Variants in CCDC171 observed in about 807,000 individuals in gnomAD.
The protein encoded by CCDC171 is coiled-coil domain containing 171, also known as coiled-coil domain-containing protein 171.
A neutral mutation model predicts 168.2 loss-of-function variants in CCDC171; 177 were observed. The ratio of observed to expected loss-of-function variants is 1.05; its 90% CI spans 0.93 to 1.19. The LOEUF (loss-of-function observed/expected upper bound fraction) is 1.19. CCDC171 is among the 50% of genes most tolerant of loss of function. The pLI is 0.00. For synonymous variants in CCDC171, 687 were observed against 540.8 expected (o/e 1.27, Z -3.75); for missense variants, 1,991 against 1,539.0 (o/e 1.29, Z -4.91).
intron 21 of CCDC171, among the ~76,000 whole-genome samples, chr9:15,789,917 T>C (rs951339130): frequency 6.6e-6 from 1 of 152,030 alleles, no homozygotes; most frequent in African/African-American, 2.4e-5. Context: ...CATGTCCCTA[T>C]AAAGGACATG....
intron 7 of CCDC171, among the ~76,000 whole-genome samples, chr9:15,635,978 A>T (rs747277136): frequency 7.9e-5 from 12 of 151,996 alleles, no homozygotes; most frequent in Non-Finnish European, 1.3e-4. Flanking sequence ...TATTACAACC[A>T]CTGTAGTAGG....
intron 24 of CCDC171, among the ~76,000 whole-genome samples, chr9:15,902,563 T>G (rs1378545510): frequency 6.7e-6 from 1 of 149,738 alleles, no homozygotes; most frequent in Non-Finnish European, 1.5e-5. Flanking sequence ...GGAGCCAAGA[T>G]GGCTGAATAG....
chr9:15,888,949 C>CTTTTTTTTTTTTTTTTTTTT (rs371508341), intron 24 of CCDC171: 1 of 73,324 alleles, frequency 1.4e-5, no homozygotes, highest in Non-Finnish European at 2.5e-5. Flanking sequence ...TTTTTCTTTT[C>CTTTTTTTTTTTTTTTTTTTT]TTTTTTTTTT....
In CCDC171 at chr9:15,701,178, C is replaced by T. The variant is rs373491549; in HGVS notation, c.1318+5841C>T. 4.5e-4 allele frequency among the ~76,000 whole-genome samples: 69 copies of T among 152,104 alleles called. 1 individual carries two copies. The highest frequency in any genetic ancestry group is 1.6e-3 in the African/African-American group (65 of 41,486). On this transcript the variant is annotated intron_variant, in intron 11 of 25. Transcript: ENST00000380701. The stretch of plus-strand genomic sequence containing the variant: ...ATGAATAGTTTGTAAATATTTTCTC[C>T]CATTCTACAGGTTGTCTCTTCACTC...
intron 1 of CCDC171, among the ~76,000 whole-genome samples, chr9:16,051,401 C>T (rs1564136219): frequency 6.6e-6 from 1 of 152,180 alleles, no homozygotes; most frequent in African/African-American, 2.4e-5. Context: ...TATCCTCTCT[C>T]TCCCTGACTG....
At chr9:15,906,880 C>G (rs1822727730) in intron 24 of CCDC171, among the ~76,000 whole-genome samples, 1 of 151,954 alleles carries the variant, frequency 6.6e-6, no homozygotes, top group South Asian at 2.1e-4. Context: ...ACACCAATAA[C>G]AGACAAGCAG....
intron 10 of CCDC171, among the ~76,000 whole-genome samples, chr9:15,686,536 A>G (rs2050407147): frequency 6.6e-6 from 1 of 152,120 alleles, no homozygotes; most frequent in South Asian, 2.1e-4. Flanking sequence ...AAATAAAAAA[A>G]AGATAATATA....
chr9:15,759,035 T>G lies in CCDC171; in HGVS notation c.2671+13404T>G, dbSNP rs536356724. Among the ~76,000 whole-genome samples, 5 of 152,354 alleles carry G rather than the reference T, an allele frequency of 3.3e-5. No homozygotes were observed. In the South Asian group the frequency reaches 1.0e-3, roughly 32 times the overall value. Reference sequence around the variant, plus strand: ...CGCTGCAAAGGATATGATTTCATTCTTTTTCATTGCTGTGTATTAGGAATA... The same window carrying G: ...CGCTGCAAAGGATATGATTTCATTCGTTTTCATTGCTGTGTATTAGGAATA... On this transcript the variant is annotated intron_variant, in intron 18 of 25. Coordinates refer to ENST00000380701, the MANE Select transcript of CCDC171 (RefSeq NM_173550.4).
chr9:15,719,371 A>G (rs1367911448), intron 11 of CCDC171, among the ~76,000 whole-genome samples: 2 of 110,282 alleles, frequency 1.8e-5, no homozygotes, highest in Non-Finnish European at 3.4e-5. Flanking sequence ...TCTAAGAGTT[A>G]TTGGCCTTCA....
chr9:15,826,507 A>G (rs1025318412), intron 21 of CCDC171, among the ~76,000 whole-genome samples: 1 of 152,148 alleles, frequency 6.6e-6, no homozygotes, highest in African/African-American at 2.4e-5. Context: ...TTTTGAGACT[A>G]TGTCATAAAG....
chr9:15,756,467 C>G (rs1054562522), intron 18 of CCDC171, among the ~76,000 whole-genome samples: 1 of 151,984 alleles, frequency 6.6e-6, no homozygotes. Flanking sequence ...GTTTGGGGTA[C>G]GAATGATTCT....
intron 16 of CCDC171, among the ~76,000 whole-genome samples, chr9:15,731,376 C>G (rs1047574852): frequency 2.0e-5 from 3 of 152,114 alleles, no homozygotes; most frequent in Admixed American, 1.3e-4. Flanking sequence ...TTTTACGCCT[C>G]ATAGGCAACC....
intron 3 of CCDC171, among the ~76,000 whole-genome samples, chr9:15,576,950 G>A (rs943428621): frequency 6.6e-6 from 1 of 152,206 alleles, no homozygotes; most frequent in South Asian, 2.1e-4. Flanking sequence ...GCAAGGAAAG[G>A]CTGGTTACCT....
At chr9:15,794,563 C>G (rs986420638) in intron 21 of CCDC171, among the ~76,000 whole-genome samples, 9 of 143,816 alleles carry the variant, frequency 6.3e-5, no homozygotes, top group Admixed American at 2.3e-4. Flanking sequence ...TATGACTTTT[C>G]CCACTTATTC....
intron 3 of CCDC171, among the ~76,000 whole-genome samples, chr9:15,572,958 A>C (rs552492420): frequency 6.6e-6 from 1 of 152,304 alleles, no homozygotes; most frequent in Admixed American, 6.5e-5. Flanking sequence ...CAGGAGTTCG[A>C]GATCAGCCTG....
intron 1 of CCDC171, among the ~76,000 whole-genome samples, chr9:15,557,423 G>T (rs566171699): frequency 1.3e-5 from 2 of 152,184 alleles, no homozygotes; most frequent in South Asian, 2.1e-4. Context: ...TTGTTGAGCA[G>T]TGGTTTGTAG....
At chr9:15,779,507 C>T (rs2057543879) in intron 20 of CCDC171, among the ~76,000 whole-genome samples, 1 of 151,864 alleles carries the variant, frequency 6.6e-6, no homozygotes, top group Non-Finnish European at 1.5e-5. Context: ...TTACAGGTGG[C>T]TGCCACCACG....
At chr9:15,945,342 G>A (rs1475907006) in intron 25 of CCDC171, among the ~76,000 whole-genome samples, 1 of 146,222 alleles carries the variant, frequency 6.8e-6, no homozygotes, top group Non-Finnish European at 1.5e-5. Flanking sequence ...ATAAACATAG[G>A]TGTGCATGTG....
chr9:15,788,347 T>G (rs2058074374), intron 21 of CCDC171, among the ~76,000 whole-genome samples: 1 of 152,226 alleles, frequency 6.6e-6, no homozygotes, highest in Non-Finnish European at 1.5e-5. Context: ...AAAGCAAGTG[T>G]ATACTTGTTA....
Sources: allele counts gnomAD v4.1 joint callset (sites outside exome capture counted in the v4.1 genomes callset), GRCh38; gene constraint gnomAD v4.1.1; transcripts MANE v1.5; gene names NCBI Gene and HGNC (gene_info 2026-07-23, HGNC 2026-07-21).